Variants in SLC27A5 observed in about 807,000 individuals in gnomAD.
SLC27A5 encodes long-chain fatty acid transport protein 5.
Under a neutral mutation model 63.1 loss-of-function variants are expected in SLC27A5, and 47 were observed. The observed-to-expected ratio is 0.74, with a 90% CI of 0.59 to 0.95. SLC27A5 has a LOEUF of 0.95. Ranked by LOEUF, SLC27A5 falls within the 40% of genes least tolerant of loss-of-function variation. The pLI is 0.00. For missense variants in SLC27A5, 940 were observed against 921.0 expected (o/e 1.02, Z -0.27); for synonymous variants, 391 against 403.8 (o/e 0.97, Z 0.38).
chr19:58,506,228 T>C (rs915327896), intron 3 of SLC27A5, among the ~76,000 whole-genome samples: 1 of 151,624 alleles, frequency 6.6e-6, no homozygotes, highest in Admixed American at 6.6e-5. Context: ...CACCTGGCCA[T>C]GATAAAAGTT....
intron 8 of SLC27A5, 86 bp downstream of exon 8, chr19:58,499,037 C>T: frequency 2.5e-6 from 4 of 1,600,014 alleles, no homozygotes; most frequent in Non-Finnish European, 3.4e-6. Context: ...CTCTCTGGGC[C>T]CTAGCACTTC....
intron 3 of SLC27A5, among the ~76,000 whole-genome samples, chr19:58,505,866 C>T (rs1415934400): frequency 1.6e-5 from 2 of 127,502 alleles, no homozygotes; most frequent in East Asian, 4.7e-4. Context: ...AAAAAAAAAA[C>T]ATTTGGCCGG....
chr19:58,498,905 A>T lies in SLC27A5; in HGVS notation c.1776T>A (p.Gly592=). 1.2e-6 allele frequency: 2 copies of T among 1,612,198 alleles called. No homozygotes were observed. Among genetic ancestry groups the T allele is most frequent in the Non-Finnish European group, 1.7e-6 (2 of 1,179,822 alleles). Residue 592 remains glycine (G), a synonymous_variant, in exon 9 of 10, where the codon GGT becomes GGA. Coordinates refer to ENST00000263093, the MANE Select transcript of SLC27A5 (RefSeq NM_012254.3). ...GCTGCACAGCAGCCATGCCCACCTT[A>T]CCCTCACAACCTAGAGAGCAGTCTG... ...VYGVCVPGCE[G]KVGMAAVQLA...
At position 58,498,367 on chromosome 19, in the gene SLC27A5, CTACA is replaced by C; in HGVS notation, c.*144_*147del. The C allele has an allele frequency of 1.3e-6, 1 of 757,248 alleles. No homozygotes were observed. Among genetic ancestry groups the C allele is most frequent in the South Asian group, 1.9e-5 (1 of 53,694 alleles). 46.9% of individuals were successfully genotyped at this position (757,248 alleles called of 1,614,324 possible). On this transcript the variant is annotated 3_prime_UTR_variant, in exon 10 of 10. Transcript: ENST00000263093. ...CACATCTGAGTTTATTCTGCCACTG[CTACA>C]GGGCCCACTGTCATTTCCAGCCCAC... is the stretch of plus-strand genomic sequence containing the variant.
intron 4 of SLC27A5, 45 bp from the exon 5 acceptor site, chr19:58,500,751 G>A (rs1413449494): frequency 1.2e-5 from 19 of 1,595,214 alleles, no homozygotes; most frequent in Non-Finnish European, 1.5e-5. Flanking sequence ...TGCTCTTGGG[G>A]CATGCCTTGG....
At position 58,511,817 on chromosome 19, in the gene SLC27A5, C is replaced by T. The variant is rs2053417218; in HGVS notation, c.139G>A (p.Gly47Arg). The change falls in exon 1 of 10, where the codon GGG becomes AGG. Residue 47 changes from glycine (G) to arginine (R), a missense_variant. Gly to Arg is a moderately radical substitution (Grantham distance 125, BLOSUM62 -2). Coordinates refer to ENST00000263093, the MANE Select transcript of SLC27A5 (RefSeq NM_012254.3). Reference sequence around the variant, plus strand: ...CAGGGCCGTGCTAACATGGCCAGCCCAAGTAGCACGCAACATGTGGGATCC... The same window carrying T: ...CAGGGCCGTGCTAACATGGCCAGCCTAAGTAGCACGCAACATGTGGGATCC... Reference protein sequence around the residue: ...LGDPTCCVLLGLAMLARPWLG... With the variant: ...LGDPTCCVLLRLAMLARPWLG... 2.6e-6 allele frequency: 4 copies of T among 1,559,206 alleles called. No individual in the cohort carries two copies. In the East Asian group the frequency reaches 9.6e-5, roughly 37 times the overall value.
intron 6 of SLC27A5, 86 bp from the exon 7 acceptor site, chr19:58,499,776 C>T: frequency 7.8e-7 from 1 of 1,286,976 alleles, no homozygotes; most frequent in Non-Finnish European, 1.1e-6. Context: ...GACTCTTCAT[C>T]ACCCAGCACC....
Position 58,499,131 on chromosome 19 carries a change from C to T in SLC27A5, c.1757G>A (p.Cys586Tyr). 1 of 1,614,028 alleles carries T rather than the reference C, an allele frequency of 6.2e-7. No homozygotes were observed. Among genetic ancestry groups the T allele is most frequent in the Non-Finnish European group, 8.5e-7 (1 of 1,180,008 alleles). The change falls in exon 8 of 10, where the codon TGC becomes TAC. Residue 586 changes from cysteine to tyrosine, a missense_variant. Physicochemically the swap from Cys to Tyr is radical, Grantham distance 194. Coordinates refer to ENST00000263093, the MANE Select transcript of SLC27A5 (RefSeq NM_012254.3). The stretch of plus-strand genomic sequence containing the variant: ...ATGAGAACCCTCCGCACCTGGCACG[C>T]ACACGCCATACACGTTAACCTGTTG... ...FLQQVNVYGV[C>Y]VPGCEGKVGM...
chr19:58,511,202 A>G, intron 1 of SLC27A5, 66 bp downstream of exon 1: 1 of 1,468,370 alleles, frequency 6.8e-7, no homozygotes, highest in Non-Finnish European at 9.0e-7. Context: ...CAGTCCCAGC[A>G]GAACCCCTGT....
chr19:58,499,414 T>G, intron 7 of SLC27A5, 78 bp downstream of exon 7: 1 of 1,511,992 alleles, frequency 6.6e-7, no homozygotes, highest in Non-Finnish European at 9.0e-7. Flanking sequence ...GTCCCGCCTC[T>G]TCAGCCTGAC....
In SLC27A5 at chr19:58,511,738, A is replaced by C; in HGVS notation, c.218T>G (p.Leu73Arg). 1 of 1,553,100 alleles carries C rather than the reference A, an allele frequency of 6.4e-7. No homozygotes were observed. Among genetic ancestry groups the C allele is most frequent in the Non-Finnish European group, 8.7e-7 (1 of 1,147,922 alleles). Reference protein sequence around the residue: ...GLSLAAAALALTLLPARLPPG... With the variant: ...GLSLAAAALARTLLPARLPPG... ...GGGCAGCCGTGCTGGCAGGAGGGTT[A>C]GTGCCAGGGCCGCAGCTGCCAGGCT... Residue 73 changes from leucine (L) to arginine (R), a missense_variant, in exon 1 of 10, where the codon CTA becomes CGA. Transcript: ENST00000263093.
At position 58,502,502 on chromosome 19, in the gene SLC27A5, C is replaced by T. The variant is rs59512872; in HGVS notation, c.1058-1092G>A. Among the ~76,000 whole-genome samples, 22 of 24,656 alleles carry T rather than the reference C, an allele frequency of 8.9e-4. 1 individual carries two copies. Among genetic ancestry groups the T allele is most frequent in the South Asian group, 1.9e-3 (1 of 526 alleles). The allele number at this position is 24,656 out of a possible 152,430, so 16.2% of individuals were successfully genotyped here. ...GAGTAGATGGATGGGTGAACAGTTA[C>T]AGTAGTGAGTGAGAAGATGGATGGG... On this transcript the variant is annotated intron_variant, in intron 3 of 9. Coordinates refer to ENST00000263093, the MANE Select transcript of SLC27A5 (RefSeq NM_012254.3).
At position 58,511,951 on chromosome 19, in the gene SLC27A5, C is replaced by G. The variant is rs757936176; in HGVS notation, c.5G>C (p.Gly2Ala). The G allele has an allele frequency of 8.6e-5, 132 of 1,535,624 alleles. No individual in the cohort carries two copies. The highest frequency in any genetic ancestry group is 1.1e-4 in the Non-Finnish European group (129 of 1,142,844). The change falls in exon 1 of 10, where the codon GGT becomes GCT. Residue 2 changes from glycine to alanine, a missense_variant. Coordinates refer to ENST00000263093, the MANE Select transcript of SLC27A5 (RefSeq NM_012254.3). M[G>A]VRQQLALLLL... The stretch of plus-strand genomic sequence containing the variant: ...CAGCAAGGCCAACTGTTGCCTGACA[C>G]CCATGGTACCAGCTCCTCCCTAGGA...
intron 3 of SLC27A5, among the ~76,000 whole-genome samples, chr19:58,503,371 T>C (rs2053306236): frequency 6.7e-6 from 1 of 148,942 alleles, no homozygotes; most frequent in Non-Finnish European, 1.5e-5. Context: ...ATTAATAAGA[T>C]ATAGGGGGCT....
chr19:58,499,162 A>G lies in SLC27A5; in HGVS notation c.1726T>C (p.Phe576Leu), dbSNP rs2053243232. The G allele has an allele frequency of 3.7e-6, 6 of 1,614,054 alleles. No homozygotes were observed. Among genetic ancestry groups the G allele is most frequent in the Non-Finnish European group, 5.1e-6 (6 of 1,180,036 alleles). Residue 576 changes from phenylalanine to leucine, a missense_variant, in exon 8 of 10, where the codon TTC (phenylalanine) becomes CTC (leucine). Coordinates refer to ENST00000263093, the MANE Select transcript of SLC27A5 (RefSeq NM_012254.3). ...EVEGVLSQVDFLQQVNVYGVC... is the reference protein window; with the variant it reads ...EVEGVLSQVDLLQQVNVYGVC... Reference sequence around the variant, plus strand: ...CCATACACGTTAACCTGTTGCAAGAAGTCCACCTGCGACAACACGCCCTCC... The same window carrying G: ...CCATACACGTTAACCTGTTGCAAGAGGTCCACCTGCGACAACACGCCCTCC...
Position 58,498,374 on chromosome 19 carries a change from G to T in SLC27A5, c.*141C>A. The T allele has an allele frequency of 2.6e-6, 2 of 784,032 alleles. No individual in the cohort carries two copies. The highest frequency in any genetic ancestry group is 4.0e-6 in the Non-Finnish European group (2 of 502,164). 48.6% of individuals were successfully genotyped at this position (784,032 alleles called of 1,614,324 possible). On this transcript the variant is annotated 3_prime_UTR_variant, in exon 10 of 10. Transcript: ENST00000263093. ...GAGTTTATTCTGCCACTGCTACAGG[G>T]CCCACTGTCATTTCCAGCCCACTGA... is the stretch of plus-strand genomic sequence containing the variant.
chr19:58,498,774 C>T lies in SLC27A5; in HGVS notation c.1896+11G>A. ...ATCTTCCACCCACCCACCAGGCCAC[C>T]CTGGGCTCACCTGGATGCGGATGAA... On this transcript the variant is annotated intron_variant, in intron 9 of 9. Transcript: ENST00000263093. 1.2e-6 allele frequency: 2 copies of T among 1,613,384 alleles called. No homozygotes were observed. The highest frequency in any genetic ancestry group is 2.2e-5 in the East Asian group (1 of 44,864).
At chr19:58,499,313 G>T (rs1568626177) in intron 7 of SLC27A5, 93 bp from the exon 8 acceptor site, 6 of 1,383,492 alleles carry the variant, frequency 4.3e-6, no homozygotes, top group Non-Finnish European at 5.0e-6. Context: ...GGATCAGGAG[G>T]CCCAGTCAGC....
At chr19:58,501,088 G>T in intron 4 of SLC27A5, 198 bp downstream of exon 4, 1 of 1,180,556 alleles carries the variant, frequency 8.5e-7, no homozygotes, top group Non-Finnish European at 1.1e-6. Context: ...TTCCAAATGA[G>T]GACACTGAGG....
Sources: gnomAD v4.1 joint callset for allele counts (sites outside exome capture counted in the v4.1 genomes callset) on GRCh38, gnomAD v4.1.1 for gene constraint, MANE v1.5 for transcripts, NCBI Gene and HGNC (gene_info 2026-07-23, HGNC 2026-07-21) for gene names.